Variants in ERC2 observed in about 807,000 individuals in gnomAD.
The protein encoded by ERC2 is ERC protein 2.
A neutral mutation model predicts 114.8 loss-of-function variants in ERC2; 42 were observed. That is an observed-to-expected ratio of 0.37 (90% CI 0.29 to 0.47). ERC2 has a LOEUF of 0.47. Ranked by LOEUF, ERC2 falls within the 20% of genes least tolerant of loss-of-function variation. ERC2 has a pLI of 0.99. For missense variants in ERC2, 939 were observed against 1,150.7 expected (o/e 0.82, Z 2.66); for synonymous variants, 454 against 425.5 (o/e 1.07, Z -0.82).
At chr3:56,297,075 G>A (rs2055492819) in intron 2 of ERC2, among the ~76,000 whole-genome samples, 1 of 151,778 alleles carries the variant, frequency 6.6e-6, no homozygotes, top group African/African-American at 2.4e-5. Context: ...GCAAAGAGTG[G>A]ACAAACCTTG....
chr3:55,860,703 T>G (rs2061990385), intron 14 of ERC2, among the ~76,000 whole-genome samples: 3 of 152,054 alleles, frequency 2.0e-5, no homozygotes, highest in Non-Finnish European at 4.4e-5. Flanking sequence ...GAGCTTTGAG[T>G]AGGAATTGCT....
chr3:55,561,223 T>C (rs2055995841), intron 17 of ERC2, among the ~76,000 whole-genome samples: 1 of 152,164 alleles, frequency 6.6e-6, no homozygotes. Context: ...TTGGGATTTC[T>C]ATCACCATGG....
chr3:55,618,559 G>T (rs1420601497), intron 17 of ERC2, among the ~76,000 whole-genome samples: 1 of 152,106 alleles, frequency 6.6e-6, no homozygotes, highest in Non-Finnish European at 1.5e-5. Flanking sequence ...TGTGGAAAGT[G>T]TCCAACATAC....
intron 13 of ERC2, among the ~76,000 whole-genome samples, chr3:55,915,372 C>CA (rs1476433850): frequency 6.6e-6 from 1 of 151,874 alleles, no homozygotes; most frequent in African/African-American, 2.4e-5. Context: ...TGCAGTACAA[C>CA]AAAGGGCTGT....
At chr3:56,448,617 C>T (rs552474083) in intron 1 of ERC2, among the ~76,000 whole-genome samples, 50 of 152,288 alleles carry the variant, frequency 3.3e-4, no homozygotes, top group African/African-American at 1.2e-3. Flanking sequence ...CAGGGGTCCA[C>T]AGGCTTTCTC....
chr3:55,671,473 G>A (rs531634407), intron 17 of ERC2, among the ~76,000 whole-genome samples: 18 of 152,170 alleles, frequency 1.2e-4, no homozygotes, highest in African/African-American at 3.1e-4. Flanking sequence ...TGGTGGGCAC[G>A]TGGTCATCGG....
At chr3:56,285,590 G>A (rs949052155) in intron 3 of ERC2, among the ~76,000 whole-genome samples, 1 of 152,148 alleles carries the variant, frequency 6.6e-6, no homozygotes, top group Non-Finnish European at 1.5e-5. Flanking sequence ...CGAGAGATCT[G>A]ATTGCCCTGG....
chr3:55,858,376 C>G lies in ERC2; in HGVS notation c.2564+30013G>C, dbSNP rs559837697. The stretch of plus-strand genomic sequence containing the variant: ...GGCAGGAGAAATGGATATATTAACT[C>G]TAAAATAAAAGCTCTTATTCAACAT... On this transcript the variant is annotated intron_variant, in intron 14 of 17. Transcript: ENST00000288221. Among the ~76,000 whole-genome samples the G allele has an allele frequency of 9.2e-5, 14 of 152,268 alleles. No individual in the cohort carries two copies. The South Asian group carries it at 2.9e-3, about 32-fold the overall frequency.
In ERC2 at chr3:55,839,741, T is replaced by A. The variant is rs1461829895; in HGVS notation, c.2564+48648A>T. The stretch of plus-strand genomic sequence containing the variant: ...ATAAAGGTGAATCAATTAAAAATCC[T>A]CAATTAATCCAAATCAAGACAGTAA... On this transcript the variant is annotated intron_variant, in intron 14 of 17. Coordinates refer to ENST00000288221, the MANE Select transcript of ERC2 (RefSeq NM_015576.3). Among the ~76,000 whole-genome samples the A allele has an allele frequency of 2.0e-5, 3 of 151,980 alleles. No homozygotes were observed. In the East Asian group the frequency reaches 5.8e-4, roughly 29 times the overall value.
intron 2 of ERC2, among the ~76,000 whole-genome samples, chr3:56,357,395 G>C (rs1424155358): frequency 6.6e-6 from 1 of 152,208 alleles, no homozygotes; most frequent in Non-Finnish European, 1.5e-5. Context: ...GCTTGCCCCA[G>C]CAGTGAGGTG....
At chr3:56,179,003 A>T in intron 3 of ERC2, among the ~76,000 whole-genome samples, 1 of 151,940 alleles carries the variant, frequency 6.6e-6, no homozygotes, top group East Asian at 1.9e-4. Flanking sequence ...TGAAAGAAGA[A>T]GAATTGTCTT....
intron 7 of ERC2, among the ~76,000 whole-genome samples, chr3:56,075,755 G>A (rs1207634859): frequency 1.3e-5 from 2 of 152,086 alleles, no homozygotes; most frequent in Non-Finnish European, 1.5e-5. Context: ...TGTTGCACAT[G>A]TTCAAAAAAT....
intron 2 of ERC2, among the ~76,000 whole-genome samples, chr3:56,339,522 C>G (rs572791273): frequency 1.2e-4 from 19 of 152,186 alleles, no homozygotes; most frequent in African/African-American, 4.6e-4. Flanking sequence ...TTAAAGGCCT[C>G]TGACTTCACA....
At chr3:55,879,495 G>C (rs2063024005) in intron 14 of ERC2, among the ~76,000 whole-genome samples, 2 of 152,110 alleles carry the variant, frequency 1.3e-5, no homozygotes, top group Admixed American at 6.5e-5. Flanking sequence ...TTATAGGTCA[G>C]CTATCCCCAG....
intron 14 of ERC2, among the ~76,000 whole-genome samples, chr3:55,851,914 T>C (rs2061590016): frequency 6.6e-6 from 1 of 152,156 alleles, no homozygotes; most frequent in African/African-American, 2.4e-5. Flanking sequence ...TGTTTTAGGC[T>C]TAACATATTA....
At chr3:55,743,593 C>CAAAAAAAAAAAAAAAAAAAA (rs367859231) in intron 14 of ERC2, among the ~76,000 whole-genome samples, 6 of 97,192 alleles carry the variant, frequency 6.2e-5, no homozygotes, top group Non-Finnish European at 1.1e-4. Context: ...CCTGATCCAC[C>CAAAAAAAAAAAAAAAAAAAA]AAAAAAAAAA....
intron 9 of ERC2, among the ~76,000 whole-genome samples, chr3:56,010,245 G>A (rs112721516): frequency 1.1e-3 from 168 of 152,020 alleles, no homozygotes; most frequent in African/African-American, 3.9e-3. Flanking sequence ...GCAGAGCAGA[G>A]AAGATAGGCA....
At chr3:56,122,778 T>G (rs2079651376) in intron 6 of ERC2, among the ~76,000 whole-genome samples, 1 of 152,144 alleles carries the variant, frequency 6.6e-6, no homozygotes, top group Non-Finnish European at 1.5e-5. Context: ...CCCGTAAGTC[T>G]TATAATGCAA....
At chr3:55,988,367 G>C (rs924770816) in intron 11 of ERC2, among the ~76,000 whole-genome samples, 1 of 152,226 alleles carries the variant, frequency 6.6e-6, no homozygotes, top group Admixed American at 6.5e-5. Context: ...GGCCGTGCAA[G>C]AGTTTACAGG....
Sources: gnomAD v4.1 joint callset for allele counts (sites outside exome capture counted in the v4.1 genomes callset) on GRCh38, gnomAD v4.1.1 for gene constraint, MANE v1.5 for transcripts, NCBI Gene and HGNC (gene_info 2026-07-23, HGNC 2026-07-21) for gene names.